SPTA1: variants seen among roughly 807,000 people sequenced by gnomAD.
SPTA1 encodes the protein spectrin alpha, erythrocytic 1.
A neutral mutation model predicts 324.7 loss-of-function variants in SPTA1; 177 were observed. That is an observed-to-expected ratio of 0.55 (90% CI 0.48 to 0.62). The LOEUF is 0.62. Ranked by LOEUF, SPTA1 falls within the 20% of genes least tolerant of loss-of-function variation. SPTA1 has a pLI of 0.00. For missense variants in SPTA1, 3,162 were observed against 2,883.6 expected, an observed-to-expected ratio of 1.10 and a Z score of -2.21; for synonymous variants, 1,195 against 1,041.3, an observed-to-expected ratio of 1.15 and a Z score of -2.84.
intron 5 of SPTA1, 32 bp downstream of exon 5, chr1:158,680,551 T>G: frequency 1.9e-6 from 3 of 1,613,366 alleles, no homozygotes; most frequent in Non-Finnish European, 2.5e-6. Flanking sequence ...AAGAACCCTT[T>G]GCACGGAGTG....
At chr1:158,665,023 A>T (rs1653494604) in intron 16 of SPTA1, among the ~76,000 whole-genome samples, 1 of 152,196 alleles carries the variant, frequency 6.6e-6, no homozygotes, top group Non-Finnish European at 1.5e-5. Context: ...TTAACATTCT[A>T]TATCTAAAAT....
chr1:158,625,169 C>A (rs1302574013), intron 42 of SPTA1, among the ~76,000 whole-genome samples: 1 of 151,884 alleles, frequency 6.6e-6, no homozygotes, highest in Non-Finnish European at 1.5e-5. Flanking sequence ...AAAAATGTTT[C>A]AAAAAACCCT....
chr1:158,657,722 T>C, intron 18 of SPTA1, 28 bp from the exon 19 acceptor site: 2 of 1,605,688 alleles, frequency 1.2e-6, no homozygotes, highest in Non-Finnish European at 1.7e-6. Flanking sequence ...AAAAGGTGAG[T>C]ATGATCCTCA....
intron 39 of SPTA1, among the ~76,000 whole-genome samples, chr1:158,632,974 C>T (rs769264312): frequency 6.6e-5 from 10 of 152,086 alleles, no homozygotes; most frequent in South Asian, 2.1e-4. Context: ...TCTTATACCA[C>T]GACACTGCTC....
At chr1:158,660,062 G>T (rs1321751969) in intron 18 of SPTA1, among the ~76,000 whole-genome samples, 1 of 151,986 alleles carries the variant, frequency 6.6e-6, no homozygotes, top group Non-Finnish European at 1.5e-5. Context: ...TAGCTAATAG[G>T]CCAATTTGAA....
At chr1:158,683,291 G>T in intron 3 of SPTA1, 80 bp downstream of exon 3, 2 of 1,602,964 alleles carry the variant, frequency 1.2e-6, no homozygotes, top group Non-Finnish European at 1.7e-6. Context: ...GCCACTCAAG[G>T]TTTATATCTC....
chr1:158,675,212 A>T (rs1654313878), intron 8 of SPTA1, among the ~76,000 whole-genome samples: 1 of 152,174 alleles, frequency 6.6e-6, no homozygotes, highest in Admixed American at 6.6e-5. Context: ...TTATTTAAGG[A>T]CTAACCATAA....
chr1:158,680,063 A>G (rs1049230607), intron 5 of SPTA1, among the ~76,000 whole-genome samples: 1 of 152,196 alleles, frequency 6.6e-6, no homozygotes, highest in South Asian at 2.1e-4. Context: ...ACTTATATAT[A>G]TATACACATC....
intron 19 of SPTA1, 34 bp downstream of exon 19, chr1:158,657,443 A>T: frequency 6.3e-7 from 1 of 1,585,686 alleles, no homozygotes; most frequent in Non-Finnish European, 8.6e-7. Flanking sequence ...GCGTTTGTTG[A>T]GGATTCACAA....
intron 42 of SPTA1, 46 bp downstream of exon 42, chr1:158,626,100 C>T: frequency 6.5e-7 from 1 of 1,528,686 alleles, no homozygotes; most frequent in Non-Finnish European, 9.1e-7. Flanking sequence ...GGATGAGCTT[C>T]TGTGTGAATC....
In SPTA1 at chr1:158,681,053, C is replaced by T. The variant is rs413190; in HGVS notation, c.532-324G>A. ...ACTCAATTCAACATATCAGTATCTA[C>T]GAAAGTATTTTGTTAGGCATTTGCT... On this transcript the variant is annotated intron_variant, in intron 4 of 51. Transcript: ENST00000643759. Among the ~76,000 whole-genome samples the T allele has an allele frequency of 0.36, 54,235 of 151,966 alleles. 10,216 individuals carry two copies. Among genetic ancestry groups the T allele is most frequent in the South Asian group, 0.55 (2,649 of 4,810 alleles).
chr1:158,636,754 ACTT>A lies in SPTA1; in HGVS notation c.5194_5196del (p.Lys1732del). ...TAGTCCTGGGAGCTCACTCGTATCAACTTCTCCCTAAAATCAAGGAAGAAAACA... is the reference window on the plus strand; with the variant it reads ...TAGTCCTGGGAGCTCACTCGTATCAACTCCCTAAAATCAAGGAAGAAAACA... On this transcript the variant is annotated inframe_deletion, in exon 37 of 52. Coordinates refer to ENST00000643759, the MANE Select transcript of SPTA1 (RefSeq NM_003126.4). 1 of 1,614,098 alleles carries A rather than the reference ACTT, an allele frequency of 6.2e-7. No individual in the cohort carries two copies. The highest frequency in any genetic ancestry group is 8.5e-7 in the Non-Finnish European group (1 of 1,179,980).
At position 158,639,693 on chromosome 1, in the gene SPTA1, A is replaced by T. The variant is rs748946944; in HGVS notation, c.4876-7T>A. The T allele has an allele frequency of 2.5e-6, 4 of 1,613,848 alleles. No homozygotes were observed. In the South Asian group the frequency reaches 3.3e-5, roughly 13 times the overall value. On this transcript the variant is annotated splice_region_variant and splice_polypyrimidine_tract_variant and intron_variant, in intron 34 of 51. Transcript: ENST00000643759. Reference sequence around the variant, plus strand: ...TGGCCAGCAATGTCTCTGCCTGGAAATAGAGAAATAAGCAATAAAGCTGCC... The same window carrying T: ...TGGCCAGCAATGTCTCTGCCTGGAATTAGAGAAATAAGCAATAAAGCTGCC...
chr1:158,651,422 G>A lies in SPTA1; in HGVS notation c.3422C>T (p.Ala1141Val). The A allele has an allele frequency of 6.2e-7, 1 of 1,613,918 alleles. No homozygotes were observed. Among genetic ancestry groups the A allele is most frequent in the Non-Finnish European group, 8.5e-7 (1 of 1,179,876 alleles). Residue 1141 changes from alanine (A) to valine (V), a missense_variant, in exon 24 of 52, where the codon GCT becomes GTT. Coordinates refer to ENST00000643759, the MANE Select transcript of SPTA1 (RefSeq NM_003126.4). ...EPRLRDINKV[A>V]DDLLFEGLLT... ...AAGTCCTTCAAATAGTAGATCATCA[G>A]CTACCTTGTTGATATCCCTTAGCCG...
intron 19 of SPTA1, 152 bp from the exon 20 acceptor site, chr1:158,656,808 G>C (rs2101875341): frequency 1.5e-6 from 1 of 665,430 alleles, no homozygotes; most frequent in Non-Finnish European, 2.6e-6. Flanking sequence ...AAATTTGCAA[G>C]CATGAAGGAA....
intron 16 of SPTA1, among the ~76,000 whole-genome samples, chr1:158,664,527 G>A (rs891708414): frequency 1.4e-4 from 21 of 152,088 alleles, no homozygotes; most frequent in Non-Finnish European, 2.1e-4. Context: ...GGGGCCTGTC[G>A]AGGACTTAAA....
At chr1:158,638,684 C>T (rs982588470) in intron 35 of SPTA1, among the ~76,000 whole-genome samples, 2 of 133,400 alleles carry the variant, frequency 1.5e-5, no homozygotes, top group Non-Finnish European at 3.1e-5. Context: ...GGCATGCTGG[C>T]GTGTGCCTGT....
Position 158,612,903 on chromosome 1 carries a change from T to A in SPTA1, c.7048A>T (p.Asn2350Tyr), listed in dbSNP as rs1000636089. Residue 2350 changes from asparagine to tyrosine, a missense_variant, in exon 51 of 52, where the codon AAC becomes TAC. Asn to Tyr is a moderately radical substitution (Grantham distance 143, BLOSUM62 -2). Transcript: ENST00000643759. Reference protein sequence around the residue: ...TAFLIDKESENIKSSDEIENA... With the variant: ...TAFLIDKESEYIKSSDEIENA... The stretch of plus-strand genomic sequence containing the variant: ...TCTATTTCATCACTGGACTTGATGT[T>A]TTCTGACTCCTTGTCAATCAGGAAA... 1 of 1,613,832 alleles carries A rather than the reference T, an allele frequency of 6.2e-7. No homozygotes were observed. The highest frequency in any genetic ancestry group is 8.5e-7 in the Non-Finnish European group (1 of 1,179,898).
intron 27 of SPTA1, among the ~76,000 whole-genome samples, chr1:158,646,542 A>G (rs1479612303): frequency 6.6e-6 from 1 of 152,204 alleles, no homozygotes. Flanking sequence ...ATTAAAAAAC[A>G]AAACTGAAAG....
Sources: gnomAD v4.1 joint callset for allele counts (sites outside exome capture counted in the v4.1 genomes callset) on GRCh38, gnomAD v4.1.1 for gene constraint, MANE v1.5 for transcripts, NCBI Gene and HGNC (gene_info 2026-07-23, HGNC 2026-07-21) for gene names.